DHCR7: variants seen among roughly 807,000 people sequenced by gnomAD.
DHCR7 encodes the protein 7-DHC reductase.
DHCR7 carries 40 observed loss-of-function variants against 43.3 expected under a neutral mutation model. That is an observed-to-expected ratio of 0.92 (90% confidence interval 0.72 to 1.20). The LOEUF is 1.20. Among genes scored for constraint, DHCR7 ranks in the 50% most tolerant of loss-of-function variants. The pLI is 0.00. For missense variants in DHCR7, 608 were observed against 644.6 expected (o/e 0.94, Z 0.62); for synonymous variants, 298 against 271.4 (o/e 1.10, Z -0.96).
intron 8 of DHCR7, 73 bp downstream of exon 8, chr11:71,437,739 C>A: frequency 6.2e-7 from 1 of 1,603,000 alleles, no homozygotes; most frequent in Non-Finnish European, 8.5e-7. Context: ...CAAGGACAGA[C>A]GCTTCTGCAA....
In DHCR7 at chr11:71,444,930, T is replaced by C. The variant is rs756194690; in HGVS notation, c.23A>G (p.Asn8Ser). The C allele has an allele frequency of 3.1e-6, 5 of 1,614,190 alleles. No individual in the cohort carries two copies. The highest frequency in any genetic ancestry group is 2.2e-5 in the East Asian group (1 of 44,880). ...ATCTAGACTCTTGGCTTTGGGAATGTTGGGTTGCGATTTTGCAGCCATTGG... is the reference window on the plus strand; with the variant it reads ...ATCTAGACTCTTGGCTTTGGGAATGCTGGGTTGCGATTTTGCAGCCATTGG... MAAKSQP[N>S]IPKAKSLDGV... is the part of the protein sequence containing the mutation. The change falls in exon 3 of 9, where the codon AAC becomes AGC. Residue 8 changes from asparagine (N) to serine (S), a missense_variant. Asn to Ser is a conservative substitution (Grantham distance 46). Transcript: ENST00000355527.
In DHCR7 at chr11:71,435,858, G is replaced by GGGGT. The variant is rs752946422; in HGVS notation, c.964-23_964-20dup. On this transcript the variant is annotated intron_variant, in intron 8 of 8. Coordinates refer to ENST00000355527, the MANE Select transcript of DHCR7 (RefSeq NM_001360.3). ...ACAGACCCTGGGGGGCGAGGGGGAA[G>GGGGT]GGGTCAAGCGGTGCTTTGCCCAGGG... is the stretch of plus-strand genomic sequence containing the variant. 7.6e-6 allele frequency: 12 copies of GGGGT among 1,585,820 alleles called. No homozygotes were observed. The highest frequency in any genetic ancestry group is 1.0e-5 in the Non-Finnish European group (12 of 1,167,176).
Position 71,439,060 on chromosome 11 carries a change from T to C in DHCR7, c.650A>G (p.Tyr217Cys), listed in dbSNP as rs1949321895. 1 of 1,614,080 alleles carries C rather than the reference T, an allele frequency of 6.2e-7. No individual in the cohort carries two copies. Among genetic ancestry groups the C allele is most frequent in the Non-Finnish European group, 8.5e-7 (1 of 1,180,034 alleles). Residue 217 changes from tyrosine (Y) to cysteine (C), a missense_variant, in exon 7 of 9, where the codon TAC becomes TGC. Transcript: ENST00000355527. ...AAACTCGATGCCCATCATGTAGTTG[T>C]AAAAGAAATTGCCTGTGAATTTGCT... is the stretch of plus-strand genomic sequence containing the variant. ...RDCKFTGNFF[Y>C]NYMMGIEFNP...
At chr11:71,430,505 G>GGTGTGGTA (rs1487828037), downstream of DHCR7, among the ~76,000 whole-genome samples, 5 of 151,832 alleles carry the variant, frequency 3.3e-5, no homozygotes, top group Non-Finnish European at 5.9e-5. Flanking sequence ...TGTGGGTGGT[G>GGTGTGGTA]GTGTGTTAGC....
intron 2 of DHCR7, among the ~76,000 whole-genome samples, chr11:71,446,953 C>A (rs1217664364): frequency 6.6e-6 from 1 of 152,232 alleles, no homozygotes; most frequent in Non-Finnish European, 1.5e-5. Context: ...AAGATCACAG[C>A]CACCTGGACA....
chr11:71,443,990 G>C lies in DHCR7; in HGVS notation c.321+3C>G. On this transcript the variant is annotated splice_donor_region_variant and intron_variant, in intron 4 of 8. Transcript: ENST00000355527. ...TCCCAACCCCAGGGCAGGGGCTGCT[G>C]ACCTGGAAGGTGACCCACAAGGTAT... The C allele has an allele frequency of 1.2e-6, 2 of 1,609,626 alleles. No individual in the cohort carries two copies. The highest frequency in any genetic ancestry group is 1.7e-6 in the Non-Finnish European group (2 of 1,177,654).
chr11:71,440,095 GAT>G lies in DHCR7; in HGVS notation c.627-1014_627-1013del, dbSNP rs1182474487. On this transcript the variant is annotated intron_variant, in intron 6 of 8. Coordinates refer to ENST00000355527, the MANE Select transcript of DHCR7 (RefSeq NM_001360.3). ...GGATGGGGAGAGGAGCAGGTGGATG[GAT>G]ATATGATAGGCAGGGTTGAGCTGGG... Among the ~76,000 whole-genome samples, 3 of 152,068 alleles carry G rather than the reference GAT, an allele frequency of 2.0e-5. No individual in the cohort carries two copies. In the East Asian group the frequency reaches 5.8e-4, roughly 29 times the overall value.
At position 71,435,325 on chromosome 11, in the gene DHCR7, G is replaced by T; in HGVS notation, c.*50C>A. On this transcript the variant is annotated 3_prime_UTR_variant, in exon 9 of 9. Transcript: ENST00000355527. ...TGGGATGCCAGCCCCCATGGACCTG[G>T]CAGAACACGCTCTTGACAGCCCCAC... is the stretch of plus-strand genomic sequence containing the variant. The T allele has an allele frequency of 6.3e-7, 1 of 1,589,510 alleles. No individual in the cohort carries two copies.
chr11:71,442,326 A>T lies in DHCR7; in HGVS notation c.349T>A (p.Phe117Ile). 7.4e-6 allele frequency: 12 copies of T among 1,613,940 alleles called. No homozygotes were observed. Among genetic ancestry groups the T allele is most frequent in the Non-Finnish European group, 1.0e-5 (12 of 1,179,946 alleles). Reference sequence around the variant, plus strand: ...TAGCCGGGTAGAAACTTATGGCAGAAGTCAGGGAGAGACGTGTACAGAAGC... The same window carrying T: ...TAGCCGGGTAGAAACTTATGGCAGATGTCAGGGAGAGACGTGTACAGAAGC... ...QVLLYTSLPDFCHKFLPGYVG... is the reference protein window; with the variant it reads ...QVLLYTSLPDICHKFLPGYVG... Residue 117 changes from phenylalanine (F) to isoleucine (I), a missense_variant, in exon 5 of 9, where the codon TTC (phenylalanine) becomes ATC (isoleucine). Physicochemically the swap from Phe to Ile is conservative, Grantham distance 21 (BLOSUM62 0). Coordinates refer to ENST00000355527, the MANE Select transcript of DHCR7 (RefSeq NM_001360.3).
downstream of DHCR7, among the ~76,000 whole-genome samples, chr11:71,427,495 C>T (rs895700842): frequency 3.9e-5 from 6 of 151,990 alleles, no homozygotes; most frequent in East Asian, 7.7e-4. Flanking sequence ...TGATATTGAC[C>T]GTGTATCCTG....
downstream of DHCR7, among the ~76,000 whole-genome samples, chr11:71,427,420 C>T (rs188476499): frequency 6.6e-6 from 1 of 152,156 alleles, no homozygotes; most frequent in Admixed American, 6.5e-5. Flanking sequence ...GTTTTCAACA[C>T]AGTAAATGTT....
chr11:71,428,557 C>A (rs926628094), exon 3 of DHCR7: 4 of 261,310 alleles, frequency 1.5e-5, no homozygotes, highest in Admixed American at 5.1e-5. Context: ...CAATGCACAG[C>A]CTTGAACTTG....
chr11:71,441,125 C>T (rs939172463), intron 6 of DHCR7, 102 bp downstream of exon 6: 1 of 1,074,378 alleles, frequency 9.3e-7, no homozygotes, highest in Non-Finnish European at 1.4e-6. Context: ...CACGGATTCT[C>T]AGTGCTCAGG....
downstream of DHCR7, among the ~76,000 whole-genome samples, chr11:71,428,006 C>T (rs1198999627): frequency 6.6e-6 from 1 of 152,182 alleles, no homozygotes; most frequent in East Asian, 1.9e-4. Flanking sequence ...GGTGAGAACC[C>T]TACCCAAATC....
At chr11:71,442,182 A>G (rs768116401) in intron 5 of DHCR7, 81 bp downstream of exon 5, 38 of 1,060,050 alleles carry the variant, frequency 3.6e-5, no homozygotes, top group Non-Finnish European at 5.0e-5. Flanking sequence ...TCTTAGGGAC[A>G]AAGCAGCGCT....
chr11:71,434,166 G>C (rs541151845), downstream of DHCR7, among the ~76,000 whole-genome samples: 18 of 152,316 alleles, frequency 1.2e-4, no homozygotes, highest in East Asian at 1.9e-3. Context: ...ATCTCCTTGG[G>C]GGGGAATGGA....
downstream of DHCR7, among the ~76,000 whole-genome samples, chr11:71,433,434 C>T (rs554145709): frequency 6.6e-6 from 1 of 152,328 alleles, no homozygotes; most frequent in Admixed American, 6.5e-5. Flanking sequence ...AACCTGCAGC[C>T]CAGCACAAAG....
chr11:71,445,223 G>GC (rs570160599), intron 2 of DHCR7, among the ~76,000 whole-genome samples: 3 of 152,256 alleles, frequency 2.0e-5, no homozygotes, highest in Admixed American at 6.5e-5. Flanking sequence ...ATGGCAGAAT[G>GC]CCCCCCCTCT....
chr11:71,432,299 TAA>T (rs1949232334), downstream of DHCR7, among the ~76,000 whole-genome samples: 2 of 152,244 alleles, frequency 1.3e-5, no homozygotes, highest in Admixed American at 6.5e-5. Flanking sequence ...ACTGCTGCAA[TAA>T]AGTTTGCCAA....
Sources: gnomAD v4.1 joint callset for allele counts (sites outside exome capture counted in the v4.1 genomes callset) on GRCh38, gnomAD v4.1.1 for gene constraint, MANE v1.5 for transcripts, NCBI Gene and HGNC (gene_info 2026-07-23, HGNC 2026-07-21) for gene names.